The following VPS13B variants were observed in gnomAD, a reference collection of about 807,000 sequenced individuals.
VPS13B encodes the protein intermembrane lipid transfer protein VPS13B.
Under a neutral mutation model 426.4 loss-of-function variants are expected in VPS13B, and 285 were observed. The observed-to-expected ratio is 0.67, with a 90% confidence interval of 0.61 to 0.74. The LOEUF is 0.74. VPS13B is among the 30% of genes least tolerant of loss of function. The pLI, the probability that VPS13B is intolerant of heterozygous loss-of-function variation, is 0.00. For synonymous variants in VPS13B, 1,676 were observed against 1,676.4 expected (o/e 1.00, Z 0.01); for missense variants, 4,537 against 4,782.6 (o/e 0.95, Z 1.51).
intron 23 of VPS13B, among the ~76,000 whole-genome samples, chr8:99,464,257 A>G (rs1818986520): frequency 6.6e-6 from 1 of 152,188 alleles, no homozygotes; most frequent in Admixed American, 6.5e-5. Context: ...TTCAGTGACT[A>G]AGGTAATGAA....
intron 30 of VPS13B, among the ~76,000 whole-genome samples, chr8:99,540,483 A>T (rs1823556617): frequency 6.6e-6 from 1 of 152,148 alleles, no homozygotes; most frequent in South Asian, 2.1e-4. Context: ...CATCTCTTTC[A>T]CAGCTAGCTG....
At chr8:99,855,692 T>C (rs1323689567) in intron 56 of VPS13B, among the ~76,000 whole-genome samples, 1 of 152,212 alleles carries the variant, frequency 6.6e-6, no homozygotes, top group Non-Finnish European at 1.5e-5. Flanking sequence ...ACCTGTGTTA[T>C]TGCCATATTG....
intron 3 of VPS13B, among the ~76,000 whole-genome samples, chr8:99,056,379 C>G (rs1029460010): frequency 2.9e-4 from 44 of 152,130 alleles, no homozygotes; most frequent in African/African-American, 9.4e-4. Context: ...GATCTTTTAT[C>G]CTGCACATTT....
At chr8:99,851,981 A>C (rs1331063968) in intron 55 of VPS13B, among the ~76,000 whole-genome samples, 1 of 152,134 alleles carries the variant, frequency 6.6e-6, no homozygotes, top group Non-Finnish European at 1.5e-5. Flanking sequence ...CATTAGAGAC[A>C]CTGATGGCTT....
At chr8:99,433,265 C>A (rs1054240649) in intron 22 of VPS13B, among the ~76,000 whole-genome samples, 3 of 152,156 alleles carry the variant, frequency 2.0e-5, no homozygotes, top group Non-Finnish European at 4.4e-5. Flanking sequence ...TGTGGCATTC[C>A]TTGTCTGTCA....
chr8:99,659,839 G>T (rs1830156810), intron 34 of VPS13B, among the ~76,000 whole-genome samples: 1 of 152,100 alleles, frequency 6.6e-6, no homozygotes, highest in African/African-American at 2.4e-5. Context: ...AAAATGAAGA[G>T]TTATGTCTCC....
intron 33 of VPS13B, among the ~76,000 whole-genome samples, chr8:99,617,732 A>G (rs1041761042): frequency 1.3e-5 from 2 of 152,354 alleles, no homozygotes; most frequent in South Asian, 2.1e-4. Flanking sequence ...ATATAAGCCT[A>G]TACTTACACA....
In VPS13B at chr8:99,529,269, T is replaced by C. The variant is rs571730124; in HGVS notation, c.4745+8259T>C. Among the ~76,000 whole-genome samples, 57 of 152,284 alleles carry C rather than the reference T, an allele frequency of 3.7e-4. 1 individual carries two copies. The South Asian group carries it at 0.012, about 31-fold the overall frequency. On this transcript the variant is annotated intron_variant, in intron 30 of 61. Transcript: ENST00000357162. ...GACCGTTTGTCTGTATGCGTGTGTGTCTGTCTGTCTTAAGTAATGGAATTG... is the reference window on the plus strand; with the variant it reads ...GACCGTTTGTCTGTATGCGTGTGTGCCTGTCTGTCTTAAGTAATGGAATTG...
chr8:99,570,303 C>T (rs1032015742), intron 31 of VPS13B, among the ~76,000 whole-genome samples: 21 of 151,528 alleles, frequency 1.4e-4, no homozygotes, highest in Non-Finnish European at 2.8e-4. Flanking sequence ...TCTTTCTGTT[C>T]TCTCATTTTG....
At chr8:99,642,603 C>CT in intron 34 of VPS13B, 105 bp downstream of exon 34, 1 of 990,616 alleles carries the variant, frequency 1.0e-6, no homozygotes, top group Non-Finnish European at 1.5e-6. Flanking sequence ...AGACAAAAGT[C>CT]TTTTCTCTAC....
intron 33 of VPS13B, among the ~76,000 whole-genome samples, chr8:99,633,806 GGTGTGT>G (rs139474452): frequency 5.1e-4 from 73 of 143,958 alleles, no homozygotes; most frequent in African/African-American, 1.6e-3. Context: ...GAATGTGTCA[GGTGTGT>G]GTGTGTGTGT....
At chr8:99,367,591 A>G (rs1336784778) in intron 19 of VPS13B, among the ~76,000 whole-genome samples, 4 of 152,192 alleles carry the variant, frequency 2.6e-5, no homozygotes, top group African/African-American at 9.7e-5. Context: ...TTCTACACCT[A>G]TATCTCTCCC....
chr8:99,668,149 AT>A (rs886555042), intron 35 of VPS13B, among the ~76,000 whole-genome samples: 11 of 151,882 alleles, frequency 7.2e-5, no homozygotes, highest in Non-Finnish European at 1.6e-4. Context: ...ATTTCCACCT[AT>A]TTTTTTTCTT....
At position 99,437,967 on chromosome 8, in the gene VPS13B, T is replaced by G. The variant is rs146620648; in HGVS notation, c.3211-4434T>G. Among the ~76,000 whole-genome samples the G allele has an allele frequency of 8.4e-3, 1,275 of 152,194 alleles. 20 individuals are homozygous for G. The highest frequency in any genetic ancestry group is 0.029 in the African/African-American group (1,199 of 41,520). ...TCTGCTTATTGCCAGACTTAGCTTT[T>G]TTTTTGGTCATTTACATCGAAGTTC... On this transcript the variant is annotated intron_variant, in intron 22 of 61. Coordinates refer to ENST00000357162, the MANE Select transcript of VPS13B (RefSeq NM_152564.5).
At chr8:99,365,883 A>C (rs1242490717) in intron 19 of VPS13B, among the ~76,000 whole-genome samples, 1 of 150,966 alleles carries the variant, frequency 6.6e-6, no homozygotes, top group Non-Finnish European at 1.5e-5. Context: ...TAATTTTCAT[A>C]TGTTCCCATG....
intron 19 of VPS13B, chr8:99,346,280 G>A (rs1050020927): frequency 6.6e-6 from 1 of 152,282 alleles, no homozygotes; most frequent in African/African-American, 2.4e-5. Context: ...GTAAAGGTAA[G>A]GGACAGCAGG....
chr8:99,146,631 G>C (rs1199750458), intron 13 of VPS13B, among the ~76,000 whole-genome samples: 1 of 152,102 alleles, frequency 6.6e-6, no homozygotes, highest in Non-Finnish European at 1.5e-5. Flanking sequence ...GAAATACAGT[G>C]GTGTGATCAT....
chr8:99,727,652 C>A (rs1206402585), intron 39 of VPS13B, among the ~76,000 whole-genome samples: 3 of 152,168 alleles, frequency 2.0e-5, no homozygotes, highest in African/African-American at 7.2e-5. Flanking sequence ...AAAGACCTGC[C>A]CCCTGATTCA....
chr8:99,719,647 T>C (rs927156170), intron 37 of VPS13B, among the ~76,000 whole-genome samples: 1 of 152,252 alleles, frequency 6.6e-6, no homozygotes, highest in Non-Finnish European at 1.5e-5. Flanking sequence ...ATCTTCATTA[T>C]AACCTACTGG....
Sources: allele counts gnomAD v4.1 joint callset (sites outside exome capture counted in the v4.1 genomes callset), GRCh38; gene constraint gnomAD v4.1.1; transcripts MANE v1.5; gene names NCBI Gene and HGNC (gene_info 2026-07-23, HGNC 2026-07-21).